DLGAP2: variants seen among roughly 807,000 people sequenced by gnomAD.
The protein encoded by DLGAP2 is disks large-associated protein 2.
DLGAP2 carries 26 observed loss-of-function variants against 100.3 expected under a neutral mutation model. The ratio of observed to expected loss-of-function variants is 0.26; its 90% CI spans 0.19 to 0.36. The LOEUF (loss-of-function observed/expected upper bound fraction) is 0.36. Ranked by LOEUF, DLGAP2 falls within the 10% of genes least tolerant of loss-of-function variation. The pLI, the probability that DLGAP2 is intolerant of heterozygous loss-of-function variation, is 1.00. For synonymous variants in DLGAP2, 886 were observed against 630.1 expected (o/e 1.41, Z -6.08); for missense variants, 1,858 against 1,453.2 (o/e 1.28, Z -4.53).
chr8:1,208,668 G>C lies in DLGAP2; in HGVS notation c.74-50183G>C, dbSNP rs189799888. Reference sequence around the variant, plus strand: ...GAAAGAAATTAAGGGCATCCAAATTGGTAAAAAGGAAGTCAAACTGTTGCA... The same window carrying C: ...GAAAGAAATTAAGGGCATCCAAATTCGTAAAAAGGAAGTCAAACTGTTGCA... On this transcript the variant is annotated intron_variant, in intron 2 of 14. Coordinates refer to ENST00000637795, the MANE Select transcript of DLGAP2 (RefSeq NM_001346810.2). Among the ~76,000 whole-genome samples the C allele has an allele frequency of 2.6e-3, 390 of 152,028 alleles. 11 individuals are homozygous for C. The highest frequency in any genetic ancestry group is 0.023 in the Admixed American group (345 of 15,258).
intron 1 of DLGAP2, among the ~76,000 whole-genome samples, chr8:903,109 G>A (rs893086223): frequency 1.3e-5 from 2 of 151,936 alleles, no homozygotes; most frequent in African/African-American, 4.8e-5. Flanking sequence ...CCAAGCGGCC[G>A]TCAGAGTCCC....
chr8:789,825 T>G (rs1232218687), intron 1 of DLGAP2, among the ~76,000 whole-genome samples: 1 of 152,196 alleles, frequency 6.6e-6, no homozygotes, highest in Non-Finnish European at 1.5e-5. Flanking sequence ...TTTCTCTCTC[T>G]CAGGTTAGTG....
chr8:1,413,582 G>A (rs999800176), intron 3 of DLGAP2, among the ~76,000 whole-genome samples: 1 of 152,218 alleles, frequency 6.6e-6, no homozygotes, highest in Non-Finnish European at 1.5e-5. Flanking sequence ...TTGCCTTAAA[G>A]TCCAGAAACA....
intron 5 of DLGAP2, among the ~76,000 whole-genome samples, chr8:1,563,826 C>T (rs1179754423): frequency 6.6e-6 from 1 of 152,108 alleles, no homozygotes; most frequent in Non-Finnish European, 1.5e-5. Flanking sequence ...CAGATCCCTG[C>T]TGGTAGTGCT....
intron 1 of DLGAP2, among the ~76,000 whole-genome samples, chr8:743,540 A>G (rs1438657527): frequency 6.6e-6 from 1 of 152,196 alleles, no homozygotes; most frequent in Non-Finnish European, 1.5e-5. Flanking sequence ...GCCTACCCTC[A>G]GCACTGATGA....
chr8:1,630,942 C>T (rs4876112), intron 7 of DLGAP2, among the ~76,000 whole-genome samples: 30,187 of 119,694 alleles, frequency 0.25, 3,748 homozygotes, highest in Middle Eastern at 0.5. Context: ...CCGAGGGTCT[C>T]GGCGGGAGGT....
chr8:1,413,933 C>G (rs537302789), intron 3 of DLGAP2, among the ~76,000 whole-genome samples: 5 of 152,226 alleles, frequency 3.3e-5, no homozygotes, highest in African/African-American at 1.2e-4. Flanking sequence ...AAAAGAGCTC[C>G]AAACTCATCG....
intron 14 of DLGAP2, among the ~76,000 whole-genome samples, chr8:1,699,958 C>T (rs1041074397): frequency 1.3e-5 from 2 of 152,174 alleles, no homozygotes; most frequent in Non-Finnish European, 2.9e-5. Flanking sequence ...ACTATGAGGA[C>T]AGTTATGTGC....
chr8:887,029 T>C (rs1352448766), intron 1 of DLGAP2, among the ~76,000 whole-genome samples: 1 of 152,220 alleles, frequency 6.6e-6, no homozygotes, highest in Non-Finnish European at 1.5e-5. Flanking sequence ...CTCTAAGAAC[T>C]TGTTTTGTGA....
At chr8:1,442,801 G>A (rs750138058) in intron 3 of DLGAP2, among the ~76,000 whole-genome samples, 1 of 148,758 alleles carries the variant, frequency 6.7e-6, no homozygotes. Flanking sequence ...TGGGGGTTCA[G>A]CCACTGGGGG....
chr8:1,099,772 G>T (rs544851856), intron 2 of DLGAP2, among the ~76,000 whole-genome samples: 3 of 152,278 alleles, frequency 2.0e-5, no homozygotes, highest in Non-Finnish European at 2.9e-5. Flanking sequence ...AATACCACAG[G>T]TCTTTTATAT....
intron 3 of DLGAP2, among the ~76,000 whole-genome samples, chr8:1,373,008 T>C (rs138400713): frequency 0.011 from 1,745 of 152,222 alleles, 33 homozygotes; most frequent in African/African-American, 0.04. Context: ...ACAGTTTCGC[T>C]CATAGTTGAG....
At chr8:1,200,792 A>G (rs1387720510) in intron 2 of DLGAP2, among the ~76,000 whole-genome samples, 4 of 152,218 alleles carry the variant, frequency 2.6e-5, no homozygotes, top group Non-Finnish European at 5.9e-5. Flanking sequence ...GGAAGCTTCC[A>G]GAAGACTCTG....
chr8:1,504,925 C>A (rs548809442), intron 4 of DLGAP2, among the ~76,000 whole-genome samples: 1 of 152,104 alleles, frequency 6.6e-6, no homozygotes, highest in African/African-American at 2.4e-5. Context: ...CTTTATCATT[C>A]TAATGTACCC....
intron 2 of DLGAP2, among the ~76,000 whole-genome samples, chr8:1,108,098 T>C (rs1307204088): frequency 2.0e-5 from 3 of 152,190 alleles, no homozygotes; most frequent in African/African-American, 7.2e-5. Context: ...AGCTTGTTTT[T>C]CCAACCATGT....
In DLGAP2 at chr8:1,189,023, G is replaced by A. The variant is rs11988901; in HGVS notation, c.74-69828G>A. ...TTGGGGTTGACCTTACACAGGGTTC[G>A]GGCCCCATGGCGGTTCCGCTGTTGG... On this transcript the variant is annotated intron_variant, in intron 2 of 14. Transcript: ENST00000637795. Among the ~76,000 whole-genome samples the A allele has an allele frequency of 3.9e-3, 590 of 150,038 alleles. 25 individuals are homozygous for A. Among genetic ancestry groups the A allele is most frequent in the African/African-American group, 0.014 (547 of 39,526 alleles).
intron 3 of DLGAP2, among the ~76,000 whole-genome samples, chr8:1,362,753 C>T (rs1041600451): frequency 2.0e-5 from 3 of 152,270 alleles, no homozygotes; most frequent in African/African-American, 4.8e-5. Flanking sequence ...TGTCAAGCAA[C>T]AGCGTCCATT....
intron 3 of DLGAP2, among the ~76,000 whole-genome samples, chr8:1,440,034 G>C (rs80129500): frequency 6.6e-6 from 1 of 152,186 alleles, no homozygotes. Context: ...TAAAGATACA[G>C]ATGTGGTTTA....
chr8:1,244,025 G>A (rs565549669), intron 2 of DLGAP2, among the ~76,000 whole-genome samples: 4 of 152,036 alleles, frequency 2.6e-5, no homozygotes, highest in African/African-American at 7.2e-5. Context: ...CCACCATAGG[G>A]ATGGTGAGTG....
Sources: allele counts gnomAD v4.1 joint callset (sites outside exome capture counted in the v4.1 genomes callset), GRCh38; gene constraint gnomAD v4.1.1; transcripts MANE v1.5; gene names NCBI Gene and HGNC (gene_info 2026-07-23, HGNC 2026-07-21).